The following NOL4 variants were observed in gnomAD, a reference collection of about 807,000 sequenced individuals.
NOL4 encodes the protein cancer/testis antigen 125.
A neutral mutation model predicts 75.9 loss-of-function variants in NOL4; 17 were observed. The ratio of observed to expected loss-of-function variants is 0.22; its 90% CI spans 0.15 to 0.34. The LOEUF (loss-of-function observed/expected upper bound fraction) is 0.34. NOL4 is among the 10% of genes least tolerant of loss of function. NOL4 has a pLI of 1.00. For missense variants in NOL4, 614 were observed against 793.5 expected (o/e 0.77, Z 2.72); for synonymous variants, 292 against 289.9 (o/e 1.01, Z -0.07).
chr18:34,207,140 T>C (rs1419722051), intron 1 of NOL4, among the ~76,000 whole-genome samples: 1 of 152,236 alleles, frequency 6.6e-6, no homozygotes, highest in Non-Finnish European at 1.5e-5. Flanking sequence ...AGCATGATTA[T>C]GTTAGCTGCC....
At chr18:33,897,972 G>A (rs777804494) in intron 9 of NOL4, among the ~76,000 whole-genome samples, 1 of 152,032 alleles carries the variant, frequency 6.6e-6, no homozygotes, top group African/African-American at 2.4e-5. Context: ...GGAGTGCAGT[G>A]GTGTCATCAC....
intron 6 of NOL4, among the ~76,000 whole-genome samples, chr18:34,000,910 G>A (rs1208683053): frequency 2.6e-5 from 4 of 152,052 alleles, no homozygotes; most frequent in Non-Finnish European, 5.9e-5. Flanking sequence ...ACATGACTTA[G>A]AGAGAGATGG....
intron 6 of NOL4, among the ~76,000 whole-genome samples, chr18:33,987,596 T>C (rs2072561210): frequency 6.6e-6 from 1 of 152,150 alleles, no homozygotes; most frequent in South Asian, 2.1e-4. Flanking sequence ...ATAATCCTCA[T>C]TCCAAAAGCA....
At chr18:34,200,677 C>A (rs1270923307) in intron 1 of NOL4, among the ~76,000 whole-genome samples, 1 of 151,626 alleles carries the variant, frequency 6.6e-6, no homozygotes, top group African/African-American at 2.4e-5. Context: ...ATCTCTCAAT[C>A]AATGCAGGGC....
intron 6 of NOL4, among the ~76,000 whole-genome samples, chr18:34,001,126 T>C (rs943969099): frequency 6.6e-6 from 1 of 152,156 alleles, no homozygotes; most frequent in African/African-American, 2.4e-5. Context: ...GTAAGAGTGA[T>C]TGTAATTCAG....
intron 9 of NOL4, among the ~76,000 whole-genome samples, chr18:33,897,818 C>A (rs979053298): frequency 6.6e-6 from 1 of 151,374 alleles, no homozygotes; most frequent in African/African-American, 2.4e-5. Context: ...TTTTTCTTTT[C>A]TTTCATTAAA....
In NOL4 at chr18:34,049,072, G is replaced by GCA. The variant is rs1555704725; in HGVS notation, c.773-29472_773-29471insTG. Among the ~76,000 whole-genome samples, 979 of 126,304 alleles carry GCA rather than the reference G, an allele frequency of 7.8e-3. 10 individuals are homozygous for GCA. The highest frequency in any genetic ancestry group is 0.013 in the Admixed American group (151 of 11,852). The allele number at this position is 126,304 out of a possible 152,430, so 82.9% of individuals were successfully genotyped here. ...CAACTTGAAGGTTAGATACAGGCGC[G>GCA]CGCACACACACACACACACACACAC... On this transcript the variant is annotated intron_variant, in intron 5 of 10. Transcript: ENST00000261592.
chr18:34,192,242 T>C (rs2034972504), intron 1 of NOL4, among the ~76,000 whole-genome samples: 2 of 152,108 alleles, frequency 1.3e-5, no homozygotes, highest in African/African-American at 4.8e-5. Context: ...ATAAATGAAA[T>C]CCTATGTTCA....
intron 1 of NOL4, among the ~76,000 whole-genome samples, chr18:34,194,426 G>GGGAAGGAAGGAAGGAAGGAAGGAA (rs796904055): frequency 4.0e-4 from 51 of 128,074 alleles, no homozygotes; most frequent in African/African-American, 6.8e-4. Flanking sequence ...GAGGGAGGGA[G>GGGAAGGAAGGAAGGAAGGAAGGAA]GGAAGGAAGG....
At chr18:34,094,429 T>G (rs1230456197) in intron 4 of NOL4, among the ~76,000 whole-genome samples, 1 of 152,116 alleles carries the variant, frequency 6.6e-6, no homozygotes, top group South Asian at 2.1e-4. Context: ...CTAGGTAAAA[T>G]TGTGCATGAA....
chr18:33,871,541 T>G (rs1428110789), intron 10 of NOL4, among the ~76,000 whole-genome samples: 4 of 151,900 alleles, frequency 2.6e-5, no homozygotes, highest in Non-Finnish European at 4.4e-5. Flanking sequence ...GTGTCAAAGT[T>G]CAAAGGAGGC....
At chr18:33,869,790 C>G (rs1343858819) in intron 10 of NOL4, among the ~76,000 whole-genome samples, 1 of 151,992 alleles carries the variant, frequency 6.6e-6, no homozygotes, top group Non-Finnish European at 1.5e-5. Flanking sequence ...TTTAAAGAAT[C>G]TGTACTTAGA....
At chr18:33,880,113 G>A (rs1286410625) in intron 10 of NOL4, among the ~76,000 whole-genome samples, 1 of 151,966 alleles carries the variant, frequency 6.6e-6, no homozygotes, top group African/African-American at 2.4e-5. Context: ...AATATTTAAA[G>A]AACATTTGCA....
chr18:34,001,929 T>C (rs141028333), intron 6 of NOL4: 14 of 152,182 alleles, frequency 9.2e-5, no homozygotes, highest in Admixed American at 2.6e-4. Context: ...TGTGAAAGCA[T>C]GGACTAGGAG....
intron 1 of NOL4, among the ~76,000 whole-genome samples, chr18:34,185,370 A>T (rs1488025867): frequency 6.6e-6 from 1 of 152,170 alleles, no homozygotes; most frequent in Admixed American, 6.5e-5. Flanking sequence ...CTTCTCACAA[A>T]GCAACAGGAA....
At position 34,129,769 on chromosome 18, in the gene NOL4, T is replaced by C. The variant is rs548380849; in HGVS notation, c.414+102A>G. On this transcript the variant is annotated intron_variant, in intron 2 of 10. Transcript: ENST00000261592. The stretch of plus-strand genomic sequence containing the variant: ...CATGACCATCATATGGCCTAATTTA[T>C]GTTGAAGATAGAATATTTATAATTA... 86 of 1,132,318 alleles carry C rather than the reference T, an allele frequency of 7.6e-5. No homozygotes were observed. The South Asian group carries it at 1.8e-3, about 24-fold the overall frequency. The allele number at this position is 1,132,318 out of a possible 1,614,324, so 70.1% of individuals were successfully genotyped here.
intron 5 of NOL4, among the ~76,000 whole-genome samples, chr18:34,043,237 G>A (rs2144831797): frequency 6.6e-6 from 1 of 152,176 alleles, no homozygotes; most frequent in Non-Finnish European, 1.5e-5. Flanking sequence ...CTCATTGAAT[G>A]AATGACAAAT....
intron 1 of NOL4, among the ~76,000 whole-genome samples, chr18:34,207,365 C>T (rs998274114): frequency 6.6e-6 from 1 of 152,052 alleles, no homozygotes; most frequent in African/African-American, 2.4e-5. Flanking sequence ...GCAGTAAATC[C>T]CATTAGACTG....
At chr18:34,186,720 A>G (rs1432375554) in intron 1 of NOL4, among the ~76,000 whole-genome samples, 1 of 152,228 alleles carries the variant, frequency 6.6e-6, no homozygotes, top group Admixed American at 6.5e-5. Context: ...TACATCTTTC[A>G]TAAAATTTTT....
Sources: gnomAD v4.1 joint callset for allele counts (sites outside exome capture counted in the v4.1 genomes callset) on GRCh38, gnomAD v4.1.1 for gene constraint, MANE v1.5 for transcripts, NCBI Gene and HGNC (gene_info 2026-07-23, HGNC 2026-07-21) for gene names.